Variants in OOSP4B observed in about 807,000 individuals in gnomAD.
OOSP4B encodes oocyte-secreted protein 4B.
At chr11:60,020,394 G>T (rs1854677844) in intron 1 of OOSP4B, among the ~76,000 whole-genome samples, 1 of 151,608 alleles carries the variant, frequency 6.6e-6, no homozygotes. Context: ...CAGGTCCCCA[G>T]CCCTGCCCCG....
At chr11:60,029,813 A>G in exon 4 of OOSP4B, 1 of 398,474 alleles carries the variant, frequency 2.5e-6, no homozygotes, top group Non-Finnish European at 4.4e-6. Context: ...GCATTTTGGA[A>G]TGAGTGGGTT....
intron 1 of OOSP4B, among the ~76,000 whole-genome samples, chr11:60,022,569 C>A (rs1239794070): frequency 1.3e-5 from 2 of 152,162 alleles, no homozygotes; most frequent in Non-Finnish European, 2.9e-5. Flanking sequence ...AAGGCTCATT[C>A]TAAGCCAAAC....
At chr11:60,027,314 T>G (rs1247751471) in intron 3 of OOSP4B, among the ~76,000 whole-genome samples, 1 of 152,156 alleles carries the variant, frequency 6.6e-6, no homozygotes, top group Non-Finnish European at 1.5e-5. Flanking sequence ...CTTGCCTGGC[T>G]AAGATTTTGG....
intron 3 of OOSP4B, among the ~76,000 whole-genome samples, chr11:60,028,177 T>G (rs1163567767): frequency 6.6e-6 from 1 of 151,388 alleles, no homozygotes; most frequent in African/African-American, 2.4e-5. Context: ...TTTTTTTTTC[T>G]TTTTTTGAGA....
At chr11:60,026,422 C>T (rs1056954418) in intron 3 of OOSP4B, among the ~76,000 whole-genome samples, 33 of 152,178 alleles carry the variant, frequency 2.2e-4, no homozygotes, top group African/African-American at 5.3e-4. Context: ...CTGACTCTTT[C>T]GTTATATCAA....
At chr11:60,030,636 T>C (rs1485428466) in intron 4 of OOSP4B, among the ~76,000 whole-genome samples, 166 bp from the exon 5 acceptor site, 1 of 152,210 alleles carries the variant, frequency 6.6e-6, no homozygotes, top group Non-Finnish European at 1.5e-5. Context: ...AATGGTTATA[T>C]TTGATATAGC....
chr11:60,028,369 T>C (rs1344561542), intron 3 of OOSP4B, among the ~76,000 whole-genome samples: 1 of 152,052 alleles, frequency 6.6e-6, no homozygotes, highest in Admixed American at 6.6e-5. Context: ...TTTCACCATG[T>C]TGGCCAGGCT....
At chr11:60,030,128 A>C (rs1226286965) in intron 4 of OOSP4B, among the ~76,000 whole-genome samples, 199 bp downstream of exon 4, 1 of 152,176 alleles carries the variant, frequency 6.6e-6, no homozygotes, top group Admixed American at 6.5e-5. Context: ...GAACATGAAT[A>C]GGTTCCATAC....
chr11:60,028,261 G>T (rs772865311), intron 3 of OOSP4B, among the ~76,000 whole-genome samples: 1 of 151,656 alleles, frequency 6.6e-6, no homozygotes, highest in Admixed American at 6.6e-5. Flanking sequence ...CGCTTCCTGG[G>T]TTCAAGCGAT....
Sources: gnomAD v4.1 joint callset for allele counts (sites outside exome capture counted in the v4.1 genomes callset) on GRCh38, gnomAD v4.1.1 for gene constraint, MANE v1.5 for transcripts, NCBI Gene and HGNC (gene_info 2026-07-23, HGNC 2026-07-21) for gene names.